The following SDCCAG8 variants were observed in gnomAD, a reference collection of about 807,000 sequenced individuals.
SDCCAG8 encodes the protein serologically defined colon cancer antigen 8.
A neutral mutation model predicts 101.8 loss-of-function variants in SDCCAG8; 74 were observed. The observed-to-expected ratio is 0.73, with a 90% CI of 0.60 to 0.88. The LOEUF (loss-of-function observed/expected upper bound fraction) is 0.88, where lower values mean the gene tolerates loss of function less well. Ranked by LOEUF, SDCCAG8 falls within the 40% of genes least tolerant of loss-of-function variation. The pLI, the probability that SDCCAG8 is intolerant of heterozygous loss-of-function variation, is 0.00. For synonymous variants in SDCCAG8, 281 were observed against 292.9 expected (o/e 0.96, Z 0.41); for missense variants, 787 against 822.6 (o/e 0.96, Z 0.53).
At chr1:243,473,939 GCC>G (rs1287775438) in intron 16 of SDCCAG8, among the ~76,000 whole-genome samples, 318 of 71,790 alleles carry the variant, frequency 4.4e-3, no homozygotes, top group Middle Eastern at 6.4e-3. Flanking sequence ...GGGGGGGGGG[GCC>G]GGGGGAGTAC....
At chr1:243,477,827 A>G (rs1662726065) in intron 16 of SDCCAG8, among the ~76,000 whole-genome samples, 1 of 152,206 alleles carries the variant, frequency 6.6e-6, no homozygotes. Flanking sequence ...CCTTTGTGCC[A>G]ACACCAGTCT....
chr1:243,438,796 T>C (rs2082328456), intron 16 of SDCCAG8, among the ~76,000 whole-genome samples: 1 of 152,254 alleles, frequency 6.6e-6, no homozygotes, highest in South Asian at 2.1e-4. Flanking sequence ...CTGCTGATCA[T>C]GGCCTATCTT....
intron 17 of SDCCAG8, among the ~76,000 whole-genome samples, chr1:243,491,314 GTCTT>G (rs1428637005): frequency 4.6e-5 from 7 of 152,104 alleles, no homozygotes; most frequent in African/African-American, 9.7e-5. Context: ...AAACTAGCAG[GTCTT>G]TCTTTCTTCT....
intron 8 of SDCCAG8, among the ~76,000 whole-genome samples, chr1:243,309,478 A>G (rs2072496494): frequency 6.6e-6 from 1 of 152,196 alleles, no homozygotes. Flanking sequence ...TGATTTCCAC[A>G]CATGGCTAAC....
chr1:243,458,201 A>G lies in SDCCAG8; in HGVS notation c.1986-30813A>G, dbSNP rs1461136994. ...TAAGGTCTTTGCTGTAAGAAGCTCA[A>G]CCATCCTTTAGCCTCCCTGGCCAGG... On this transcript the variant is annotated intron_variant, in intron 16 of 17. Coordinates refer to ENST00000366541, the MANE Select transcript of SDCCAG8 (RefSeq NM_006642.5). This position sits in a 1 kb window ranked among gnomAD's most constrained non-coding sequence, Gnocchi z 4.5. Among the ~76,000 whole-genome samples the G allele has an allele frequency of 6.6e-6, 1 of 152,074 alleles. No individual in the cohort carries two copies. The highest frequency in any genetic ancestry group is 2.4e-5 in the African/African-American group (1 of 41,414).
chr1:243,391,328 G>A (rs995509952), intron 13 of SDCCAG8, among the ~76,000 whole-genome samples: 2 of 152,310 alleles, frequency 1.3e-5, no homozygotes, highest in African/African-American at 4.8e-5. Flanking sequence ...CATGTCTCAT[G>A]GGAGACCAGG....
chr1:243,351,529 C>T (rs765284656), intron 12 of SDCCAG8, among the ~76,000 whole-genome samples: 2 of 152,154 alleles, frequency 1.3e-5, no homozygotes, highest in African/African-American at 2.4e-5. Context: ...AATCTGGTTC[C>T]ATGTGTGTGA....
intron 16 of SDCCAG8, among the ~76,000 whole-genome samples, chr1:243,437,531 CTTT>C (rs931257839): frequency 1.0e-4 from 13 of 129,576 alleles, no homozygotes; most frequent in African/African-American, 2.9e-4. Flanking sequence ...TGGAGGAATT[CTTT>C]TTTTTTTTTT....
At position 243,264,707 on chromosome 1, in the gene SDCCAG8, T is replaced by C. The variant is rs570453849; in HGVS notation, c.68-5398T>C. On this transcript the variant is annotated intron_variant, in intron 1 of 17. Transcript: ENST00000366541. ...ACCTTTTAAGTGCTCATTGTACTGA[T>C]TGATGTTTGGATAGTGCATTAGCAG... 3.3e-5 allele frequency among the ~76,000 whole-genome samples: 5 copies of C among 152,338 alleles called. No individual in the cohort carries two copies. In the East Asian group the frequency reaches 5.8e-4, roughly 18 times the overall value.
chr1:243,336,313 A>G (rs1423943417), intron 10 of SDCCAG8, among the ~76,000 whole-genome samples: 1 of 152,222 alleles, frequency 6.6e-6, no homozygotes, highest in African/African-American at 2.4e-5. Flanking sequence ...AATAACAGCC[A>G]TTCTGACTGG....
intron 15 of SDCCAG8, 67 bp from the exon 16 acceptor site, chr1:243,426,360 T>G: frequency 7.5e-7 from 1 of 1,330,520 alleles, no homozygotes; most frequent in East Asian, 2.4e-5. Context: ...GTTAAGGTTA[T>G]ATAATAACAA....
At chr1:243,419,996 T>G (rs1573940648) in intron 15 of SDCCAG8, among the ~76,000 whole-genome samples, 1 of 152,236 alleles carries the variant, frequency 6.6e-6, no homozygotes, top group African/African-American at 2.4e-5. Context: ...GGATGTATTC[T>G]TTTGTATCTG....
In SDCCAG8 at chr1:243,360,409, C is replaced by T. The variant is rs562037037; in HGVS notation, c.1473+16078C>T. 1.3e-4 allele frequency among the ~76,000 whole-genome samples: 20 copies of T among 152,140 alleles called. 1 individual carries two copies. The East Asian group carries it at 3.5e-3, about 27-fold the overall frequency. ...GCTTGTGATCTGCCCACTTCGGCCT[C>T]CCAAAATGCTGGGATTACAGGCGTG... On this transcript the variant is annotated intron_variant, in intron 12 of 17. Transcript: ENST00000366541.
intron 12 of SDCCAG8, among the ~76,000 whole-genome samples, chr1:243,372,548 G>T (rs1364522689): frequency 6.6e-6 from 1 of 152,012 alleles, no homozygotes; most frequent in Non-Finnish European, 1.5e-5. Flanking sequence ...CAGGAAAAAT[G>T]TATAGTAGAG....
chr1:243,471,234 T>C (rs1661200573), intron 16 of SDCCAG8, among the ~76,000 whole-genome samples: 1 of 152,152 alleles, frequency 6.6e-6, no homozygotes, highest in South Asian at 2.1e-4. Flanking sequence ...GAGCTCTCTC[T>C]AAATGGCTTC....
intron 13 of SDCCAG8, among the ~76,000 whole-genome samples, chr1:243,409,248 A>C (rs2079999565): frequency 6.6e-6 from 1 of 152,182 alleles, no homozygotes; most frequent in Admixed American, 6.6e-5. Flanking sequence ...TGTTGAGGAT[A>C]ATAGGAACCA....
chr1:243,412,166 A>G (rs995870183), intron 13 of SDCCAG8, among the ~76,000 whole-genome samples: 30 of 152,158 alleles, frequency 2.0e-4, no homozygotes, highest in African/African-American at 7.0e-4. Context: ...CTTTCACATA[A>G]GAGAGTTATG....
intron 7 of SDCCAG8, chr1:243,305,317 A>G (rs968050076): frequency 6.6e-6 from 1 of 152,046 alleles, no homozygotes; most frequent in Non-Finnish European, 1.5e-5. Flanking sequence ...AAAGAAAAAA[A>G]AAAAAAAGAA....
intron 6 of SDCCAG8, 127 bp from the exon 7 acceptor site, chr1:243,304,586 T>G (rs952666628): frequency 1.6e-6 from 1 of 634,662 alleles, no homozygotes; most frequent in Admixed American, 2.9e-5. Flanking sequence ...GAAAATATTT[T>G]CTAAGAAGAC....
Sources: allele counts gnomAD v4.1 joint callset (sites outside exome capture counted in the v4.1 genomes callset), GRCh38; gene constraint gnomAD v4.1.1; non-coding constraint Gnocchi (gnomAD v3.1); transcripts MANE v1.5; gene names NCBI Gene and HGNC (gene_info 2026-07-23, HGNC 2026-07-21).